The following CTNND2 variants were observed in gnomAD, a reference collection of about 807,000 sequenced individuals.
CTNND2 encodes the protein catenin delta-2.
A neutral mutation model predicts 144.4 loss-of-function variants in CTNND2; 22 were observed. The ratio of observed to expected loss-of-function variants is 0.15; its 90% CI spans 0.11 to 0.22. The LOEUF (loss-of-function observed/expected upper bound fraction) is 0.22. Ranked by LOEUF, CTNND2 falls within the 10% of genes least tolerant of loss-of-function variation. The probability of loss-of-function intolerance (pLI) is 1.00; values close to 1 mark genes in which losing one functional copy is unlikely to be tolerated. For missense variants in CTNND2, 1,353 were observed against 1,618.8 expected (o/e 0.84, Z 2.82); for synonymous variants, 751 against 695.6 (o/e 1.08, Z -1.25).
At chr5:11,212,176 C>T (rs1738704259) in intron 10 of CTNND2, among the ~76,000 whole-genome samples, 3 of 152,044 alleles carry the variant, frequency 2.0e-5, no homozygotes, top group Non-Finnish European at 1.5e-5. Context: ...GAAAATAATT[C>T]CAGTTTTGTT....
At chr5:11,170,743 C>CATCAAAATGA (rs1759823636) in intron 11 of CTNND2, among the ~76,000 whole-genome samples, 1 of 152,142 alleles carries the variant, frequency 6.6e-6, no homozygotes, top group Non-Finnish European at 1.5e-5. Flanking sequence ...TTGTCTGATA[C>CATCAAAATGA]TGTATTAGTC....
chr5:11,790,474 C>CT (rs551950402), intron 1 of CTNND2, among the ~76,000 whole-genome samples: 12 of 152,214 alleles, frequency 7.9e-5, no homozygotes, highest in Non-Finnish European at 1.8e-4. Context: ...TGCTCTCTTC[C>CT]TTTGTAAAAT....
intron 1 of CTNND2, among the ~76,000 whole-genome samples, chr5:11,867,633 CCATTCATTCATT>C (rs58976660): frequency 2.0e-5 from 3 of 151,474 alleles, no homozygotes; most frequent in Non-Finnish European, 4.4e-5. Flanking sequence ...GATACTGAGA[CCATTCATTCATT>C]CATTCATTCA....
At chr5:11,117,239 C>T (rs1337233061) in intron 13 of CTNND2, among the ~76,000 whole-genome samples, 1 of 152,024 alleles carries the variant, frequency 6.6e-6, no homozygotes, top group Non-Finnish European at 1.5e-5. Flanking sequence ...CATATTTACT[C>T]ACAGCTAATC....
chr5:11,226,971 T>C (rs1018138963), intron 10 of CTNND2, among the ~76,000 whole-genome samples: 2 of 152,214 alleles, frequency 1.3e-5, no homozygotes, highest in Non-Finnish European at 2.9e-5. Flanking sequence ...TTTATGTTGG[T>C]ATGTGCAGAT....
At chr5:11,691,373 AAAAAT>A (rs376221473) in intron 2 of CTNND2, among the ~76,000 whole-genome samples, 29,240 of 146,104 alleles carry the variant, frequency 0.2, 3,629 homozygotes, top group African/African-American at 0.36. Flanking sequence ...CTCTGTCTCA[AAAAAT>A]AAAATAAAAT....
chr5:11,055,387 G>A (rs1042173018), intron 16 of CTNND2, among the ~76,000 whole-genome samples: 1 of 152,172 alleles, frequency 6.6e-6, no homozygotes, highest in Non-Finnish European at 1.5e-5. Context: ...GCCCTGGGGT[G>A]AGACATGGCA....
intron 2 of CTNND2, among the ~76,000 whole-genome samples, chr5:11,622,981 G>A (rs1048522619): frequency 6.6e-6 from 1 of 151,896 alleles, no homozygotes; most frequent in African/African-American, 2.4e-5. Context: ...TTAACAACAC[G>A]ACTGGTTTAT....
chr5:11,542,274 A>C (rs559270463), intron 3 of CTNND2, among the ~76,000 whole-genome samples: 3 of 152,324 alleles, frequency 2.0e-5, no homozygotes, highest in Non-Finnish European at 4.4e-5. Flanking sequence ...GTTAGAATAG[A>C]AAATTATAAA....
intron 3 of CTNND2, among the ~76,000 whole-genome samples, chr5:11,492,617 T>G (rs777191774): frequency 2.6e-5 from 4 of 151,416 alleles, no homozygotes; most frequent in Admixed American, 6.6e-5. Context: ...AGTAGTAAAA[T>G]AAAAATTTCT....
intron 18 of CTNND2, among the ~76,000 whole-genome samples, chr5:11,007,164 A>G (rs1232274344): frequency 6.6e-6 from 1 of 152,192 alleles, no homozygotes; most frequent in East Asian, 1.9e-4. Context: ...TGAAGGTACG[A>G]ATGAATGTAA....
At chr5:11,555,146 T>C (rs1776112738) in intron 3 of CTNND2, among the ~76,000 whole-genome samples, 1 of 152,222 alleles carries the variant, frequency 6.6e-6, no homozygotes, top group Non-Finnish European at 1.5e-5. Context: ...AATAAATGAA[T>C]ACAGTATTAG....
chr5:10,982,873 A>ACT (rs1737464660), intron 20 of CTNND2, among the ~76,000 whole-genome samples: 1 of 152,218 alleles, frequency 6.6e-6, no homozygotes, highest in African/African-American at 2.4e-5. Flanking sequence ...GAGGTGATTT[A>ACT]TGTTAAGTGA....
intron 5 of CTNND2, among the ~76,000 whole-genome samples, chr5:11,404,731 C>T (rs931002511): frequency 1.4e-5 from 2 of 147,930 alleles, no homozygotes; most frequent in Admixed American, 7.0e-5. Context: ...GATTCTCCTG[C>T]CTCAGCCTCT....
At chr5:11,589,097 G>A (rs551453419) in intron 2 of CTNND2, 2 of 918,070 alleles carry the variant, frequency 2.2e-6, no homozygotes, top group Non-Finnish European at 2.6e-6. Flanking sequence ...AAAGAATAGA[G>A]TTCAGCCAGG....
At position 11,082,197 on chromosome 5, in the gene CTNND2, T is replaced by C. The variant is rs557062562; in HGVS notation, c.2788+499A>G. ...AAAGCAGGCCATGAGTTTTGTTGAA[T>C]AGACAGGTGAATGTATTACCTCTTT... On this transcript the variant is annotated intron_variant, in intron 16 of 21. Coordinates refer to ENST00000304623, the MANE Select transcript of CTNND2 (RefSeq NM_001332.4). 5.3e-5 allele frequency among the ~76,000 whole-genome samples: 8 copies of C among 152,352 alleles called. 1 individual carries two copies. The highest frequency in any genetic ancestry group is 1.2e-4 in the African/African-American group (5 of 41,586).
intron 2 of CTNND2, among the ~76,000 whole-genome samples, chr5:11,670,736 A>G (rs879433462): frequency 1.3e-5 from 2 of 152,106 alleles, no homozygotes; most frequent in Non-Finnish European, 2.9e-5. Flanking sequence ...CCAATTTGCC[A>G]GTCTGTGTCT....
At chr5:11,022,638 T>C (rs1389420540) in intron 17 of CTNND2, 131 bp downstream of exon 17, 22 of 716,106 alleles carry the variant, frequency 3.1e-5, no homozygotes, top group Non-Finnish European at 5.0e-5. Context: ...ATTTGCCATT[T>C]TCCTTCTCTT....
chr5:11,252,349 C>T (rs1170630498), intron 9 of CTNND2, among the ~76,000 whole-genome samples: 1 of 152,126 alleles, frequency 6.6e-6, no homozygotes, highest in Non-Finnish European at 1.5e-5. Flanking sequence ...TTTCACTGCA[C>T]TGCAGTGATC....
Sources: allele counts gnomAD v4.1 joint callset (sites outside exome capture counted in the v4.1 genomes callset), GRCh38; gene constraint gnomAD v4.1.1; transcripts MANE v1.5; gene names NCBI Gene and HGNC (gene_info 2026-07-23, HGNC 2026-07-21).